The following TBX3 variants were observed in gnomAD, a reference collection of about 807,000 sequenced individuals.
TBX3 encodes the protein T-box transcription factor TBX3.
In TBX3, 11 loss-of-function variants were observed where a neutral mutation model predicts 47.8. The observed-to-expected ratio is 0.23, with a 90% confidence interval of 0.14 to 0.38. The LOEUF is 0.38. TBX3 is among the 10% of genes least tolerant of loss of function. The pLI is 1.00. For missense variants in TBX3, 927 were observed against 1,022.8 expected (o/e 0.91, Z 1.28); for synonymous variants, 500 against 449.3 (o/e 1.11, Z -1.43).
intron 5 of TBX3, among the ~76,000 whole-genome samples, 175 bp downstream of exon 5, chr12:114,676,138 G>A (rs946660566): frequency 6.6e-5 from 10 of 152,174 alleles, no homozygotes; most frequent in South Asian, 2.1e-4. Context: ...CTGCCTTAGC[G>A]GGGAAGGGGA....
chr12:114,683,513 G>C lies in TBX3; in HGVS notation c.-313C>G. ...AAGCCGCTCCTGAACGTCGGTTTCA[G>C]AAGCGAGAGGAGCGAGCAGGGTCTC... On this transcript the variant is annotated 5_prime_UTR_variant, in exon 1 of 7. Transcript: ENST00000349155. This position sits in a 1 kb window ranked among gnomAD's most constrained non-coding sequence, Gnocchi z 7.7. 2.6e-6 allele frequency: 1 copy of C among 386,120 alleles called. No homozygotes were observed. Among genetic ancestry groups the C allele is most frequent in the Non-Finnish European group, 4.7e-6 (1 of 213,946 alleles). 23.9% of individuals were successfully genotyped at this position (386,120 alleles called of 1,614,324 possible).
chr12:114,676,661 C>A (rs775196113), intron 4 of TBX3, among the ~76,000 whole-genome samples, 191 bp from the exon 5 acceptor site: 1 of 152,208 alleles, frequency 6.6e-6, no homozygotes, highest in Non-Finnish European at 1.5e-5. Flanking sequence ...GACCCTCTAA[C>A]TGGGCTGAAG....
chr12:114,681,283 G>A (rs1306856790), intron 1 of TBX3, 137 bp from the exon 2 acceptor site: 1 of 1,258,548 alleles, frequency 7.9e-7, no homozygotes, highest in African/African-American at 1.5e-5. Flanking sequence ...ATGTTTCAGA[G>A]TGAGGCAACT....
In TBX3 at chr12:114,671,753, C is replaced by A. The variant is rs1868436989; in HGVS notation, c.*88G>T. 3.3e-6 allele frequency: 5 copies of A among 1,510,176 alleles called. No individual in the cohort carries two copies. The Admixed American group carries it at 5.9e-5, about 18-fold the overall frequency. The allele number at this position is 1,510,176 out of a possible 1,614,324, so 93.5% of individuals were successfully genotyped here. Reference sequence around the variant, plus strand: ...CAACTGCAAAAGGAAGGGCTAACGCCATGGCGGGCCCGTGGTTTATTTTAT... The same window carrying A: ...CAACTGCAAAAGGAAGGGCTAACGCAATGGCGGGCCCGTGGTTTATTTTAT... On this transcript the variant is annotated 3_prime_UTR_variant, in exon 7 of 7. Transcript: ENST00000349155.
At chr12:114,673,115 T>C (rs1250693762) in intron 6 of TBX3, among the ~76,000 whole-genome samples, 1 of 152,190 alleles carries the variant, frequency 6.6e-6, no homozygotes, top group Non-Finnish European at 1.5e-5. Context: ...GTTTTGTCTG[T>C]TCAGGTAGTC....
At chr12:114,676,287 G>A (rs754749205) in intron 5 of TBX3, 26 bp downstream of exon 5, 1 of 1,612,846 alleles carries the variant, frequency 6.2e-7, no homozygotes, top group South Asian at 1.1e-5. Flanking sequence ...CTGGAGTCCA[G>A]TGATCACAAA....
At position 114,684,071 on chromosome 12, in the gene TBX3, G is replaced by GGAGAGAGA. The variant is rs57078153; in HGVS notation, c.-879_-872dup. 0.028 allele frequency: 6,211 copies of GGAGAGAGA among 221,084 alleles called. 200 individuals are homozygous for GGAGAGAGA. Among genetic ancestry groups the GGAGAGAGA allele is most frequent in the African/African-American group, 0.091 (3,958 of 43,332 alleles). The allele number at this position is 221,084 out of a possible 1,614,324, so 13.7% of individuals were successfully genotyped here. On this transcript the variant is annotated 5_prime_UTR_variant, in exon 1 of 7. Transcript: ENST00000349155. ...TGGAACAGAGGGAAAGAGAGGGAGG[G>GGAGAGAGA]GAGAGAGAGAGAGAGAGAGAGAGAC...
chr12:114,672,385 A>G, intron 6 of TBX3, 83 bp from the exon 7 acceptor site: 1 of 1,191,582 alleles, frequency 8.4e-7, no homozygotes, highest in Non-Finnish European at 1.1e-6. Flanking sequence ...TCCCCCTCCA[A>G]CATTGGGCAA....
intron 2 of TBX3, chr12:114,680,175 G>C: frequency 1.6e-6 from 1 of 611,820 alleles, no homozygotes; most frequent in Non-Finnish European, 2.9e-6. Context: ...GTCTTCCTGG[G>C]CCTAATCTTT....
In TBX3 at chr12:114,674,090, G is replaced by T. The variant is rs988247493; in HGVS notation, c.1710+75C>A. ...CTACTAGGCCAAAGGGATCGGGTGAGGGTCTGCTGGCAAAGGACAGGGAAA... is the reference window on the plus strand; with the variant it reads ...CTACTAGGCCAAAGGGATCGGGTGATGGTCTGCTGGCAAAGGACAGGGAAA... On this transcript the variant is annotated intron_variant, in intron 6 of 6. Coordinates refer to ENST00000349155, the MANE Select transcript of TBX3 (RefSeq NM_005996.4). 15 of 1,536,164 alleles carry T rather than the reference G, an allele frequency of 9.8e-6. No individual in the cohort carries two copies. The African/African-American group carries it at 1.6e-4, about 17-fold the overall frequency.
chr12:114,677,610 C>T lies in TBX3; in HGVS notation c.851G>A (p.Arg284Gln), dbSNP rs2121391956. Reference sequence around the variant, plus strand: ...TTCTCTTCGGCCATTTCCAGTGTCCCGGAAACCTTTTGCAAAAGGGTTGTT... The same window carrying T: ...TTCTCTTCGGCCATTTCCAGTGTCCTGGAAACCTTTTGCAAAAGGGTTGTT... ...IDNNPFAKGF[R>Q]DTGNGRREKR... Residue 284 changes from arginine to glutamine, a missense_variant, in exon 4 of 7, where the codon CGG becomes CAG. Coordinates refer to ENST00000349155, the MANE Select transcript of TBX3 (RefSeq NM_005996.4). The T allele has an allele frequency of 6.2e-7, 1 of 1,614,022 alleles. No homozygotes were observed. Among genetic ancestry groups the T allele is most frequent in the Non-Finnish European group, 8.5e-7 (1 of 1,179,974 alleles).
At chr12:114,672,614 G>A (rs972607168) in intron 6 of TBX3, among the ~76,000 whole-genome samples, 2 of 151,992 alleles carry the variant, frequency 1.3e-5, no homozygotes, top group African/African-American at 4.8e-5. Flanking sequence ...TACTTATTGA[G>A]GACTTTGTAG....
intron 3 of TBX3, among the ~76,000 whole-genome samples, chr12:114,678,057 C>T (rs1249709368): frequency 6.6e-6 from 1 of 150,868 alleles, no homozygotes; most frequent in East Asian, 1.9e-4. Context: ...CACACACACA[C>T]TCCTTTTCCA....
intron 2 of TBX3, chr12:114,680,145 G>A: frequency 1.5e-6 from 1 of 684,140 alleles, no homozygotes. Flanking sequence ...GCCCGCTGAA[G>A]ATATTTCCGC....
chr12:114,683,030 C>A lies in TBX3; in HGVS notation c.171G>T (p.Pro57=), dbSNP rs201388921. Residue 57 remains proline (P), a synonymous_variant, in exon 1 of 7, where the codon CCG becomes CCT. Coordinates refer to ENST00000349155, the MANE Select transcript of TBX3 (RefSeq NM_005996.4). The surrounding 1 kb of genome is among the most constrained non-coding windows in gnomAD (Gnocchi z 7.7). The part of the protein sequence containing the change: ...PPNGAAALSL[P]GALAKPIMDQ... ...CCATGATCGGCTTGGCCAGGGCGCCCGGCAGCGAGAGCGCCGCCGCGCCGT... is the reference window on the plus strand; with the variant it reads ...CCATGATCGGCTTGGCCAGGGCGCCAGGCAGCGAGAGCGCCGCCGCGCCGT... 1 of 1,608,736 alleles carries A rather than the reference C, an allele frequency of 6.2e-7. No individual in the cohort carries two copies. Among genetic ancestry groups the A allele is most frequent in the African/African-American group, 1.3e-5 (1 of 74,874 alleles).
rs780391524 is a variant in TBX3 at position 114,676,280 on chromosome 12, G to C, written c.1039+33C>G. 3.1e-6 allele frequency: 5 copies of C among 1,612,518 alleles called. 1 individual carries two copies. Among genetic ancestry groups the C allele is most frequent in the East Asian group, 2.2e-5 (1 of 44,866 alleles). Reference sequence around the variant, plus strand: ...AACTCTTCCAGGCCACGAGGGACTGGAGTCCAGTGATCACAAAGGTGACAT... The same window carrying C: ...AACTCTTCCAGGCCACGAGGGACTGCAGTCCAGTGATCACAAAGGTGACAT... On this transcript the variant is annotated intron_variant, in intron 5 of 6. Coordinates refer to ENST00000349155, the MANE Select transcript of TBX3 (RefSeq NM_005996.4).
At position 114,683,490 on chromosome 12, in the gene TBX3, G is replaced by C; in HGVS notation, c.-290C>G. 2 of 415,452 alleles carry C rather than the reference G, an allele frequency of 4.8e-6. No individual in the cohort carries two copies. The highest frequency in any genetic ancestry group is 8.6e-6 in the Non-Finnish European group (2 of 232,760). The allele number at this position is 415,452 out of a possible 1,614,324, so 25.7% of individuals were successfully genotyped here. On this transcript the variant is annotated 5_prime_UTR_variant, in exon 1 of 7. Coordinates refer to ENST00000349155, the MANE Select transcript of TBX3 (RefSeq NM_005996.4). The surrounding 1 kb of genome is among the most constrained non-coding windows in gnomAD (Gnocchi z 7.7). ...TCCTTGTGCCTTGCGTTTTTAAAAA[G>C]CCGCTCCTGAACGTCGGTTTCAGAA...
In TBX3 at chr12:114,673,943, GA is replaced by G. The variant is rs139245337; in HGVS notation, c.1710+221del. Among the ~76,000 whole-genome samples, 620 of 152,356 alleles carry G rather than the reference GA, an allele frequency of 4.1e-3. 2 individuals carry two copies. The highest frequency in any genetic ancestry group is 0.014 in the African/African-American group (597 of 41,586). ...TTGTTACTACCTATCTACTCTGCTG[GA>G]AACAGCCTTTAACTTCGGAAAAATT... On this transcript the variant is annotated intron_variant, in intron 6 of 6. Transcript: ENST00000349155.
Position 114,682,972 on chromosome 12 carries a change from G to A in TBX3, c.229C>T (p.Pro77Ser). Residue 77 changes from proline (P) to serine (S), a missense_variant, in exon 1 of 7, where the codon CCG (proline) becomes TCG (serine). Physicochemically the swap from Pro to Ser is moderately conservative, Grantham distance 74. Transcript: ENST00000349155. The stretch of plus-strand genomic sequence containing the variant: ...GCCTGGGGCCCCAGGGAGGAGAACG[G>A]GATGCCGGTCTCGGCCGCCCCCACC... ...QLVGAAETGI[P>S]FSSLGPQAHL... 1 of 1,614,146 alleles carries A rather than the reference G, an allele frequency of 6.2e-7. No individual in the cohort carries two copies. Among genetic ancestry groups the A allele is most frequent in the Non-Finnish European group, 8.5e-7 (1 of 1,180,042 alleles).
Sources: gnomAD v4.1 joint callset for allele counts (sites outside exome capture counted in the v4.1 genomes callset) on GRCh38, gnomAD v4.1.1 for gene constraint, Gnocchi (gnomAD v3.1) non-coding constraint, MANE v1.5 for transcripts, NCBI Gene and HGNC (gene_info 2026-07-23, HGNC 2026-07-21) for gene names.